The following TLCD3A variants were observed in gnomAD, a reference collection of about 807,000 sequenced individuals.
TLCD3A encodes the protein TLC domain-containing protein 3A.
A neutral mutation model predicts 29.9 loss-of-function variants in TLCD3A; 17 were observed. That is an observed-to-expected ratio of 0.57 (90% CI 0.39 to 0.85). The LOEUF (loss-of-function observed/expected upper bound fraction) is 0.85. TLCD3A is among the 40% of genes least tolerant of loss of function. The pLI, the probability that TLCD3A is intolerant of heterozygous loss-of-function variation, is 0.00. For synonymous variants in TLCD3A, 143 were observed against 147.7 expected, an observed-to-expected ratio of 0.97 and a Z score of 0.23; for missense variants, 332 against 350.8, an observed-to-expected ratio of 0.95 and a Z score of 0.43.
At chr17:740,042 G>A (rs758899766) in intron 3 of TLCD3A, among the ~76,000 whole-genome samples, 18 of 152,168 alleles carry the variant, frequency 1.2e-4, no homozygotes, top group East Asian at 7.7e-4. Flanking sequence ...ACAAAACTCC[G>A]TCTCAAAAAA....
chr17:733,040 C>CCGGGT (rs1555594796), intron 1 of TLCD3A, 58 bp from the exon 2 acceptor site: 2 of 1,526,900 alleles, frequency 1.3e-6, no homozygotes, highest in South Asian at 1.2e-5. Flanking sequence ...CCGGGCCGGG[C>CCGGGT]TCCCTGCGGT....
At chr17:734,494 G>T (rs1555595088) in intron 2 of TLCD3A, among the ~76,000 whole-genome samples, 1 of 141,308 alleles carries the variant, frequency 7.1e-6, no homozygotes. Context: ...GTTGTTGTTG[G>T]TAGAGACAGG....
rs1974273890 is a variant in TLCD3A, at chr17:742,531, T to G, written c.*961T>G. The G allele has an allele frequency of 6.6e-6, 1 of 152,224 alleles. No homozygotes were observed. The highest frequency in any genetic ancestry group is 6.5e-5 in the Admixed American group (1 of 15,276). 9.4% of individuals were successfully genotyped at this position (152,224 alleles called of 1,614,324 possible). A position where few individuals can be genotyped will look rare whatever the true frequency, so the allele number is the denominator to read the frequency against. On this transcript the variant is annotated 3_prime_UTR_variant, in exon 5 of 5. Coordinates refer to ENST00000308278, the MANE Select transcript of TLCD3A (RefSeq NM_024792.3). Reference sequence around the variant, plus strand: ...CTAGACTGCAGAGTACTTGAGTGCTTTGCCTCCCGATATGCCAGAGCTTGT... The same window carrying G: ...CTAGACTGCAGAGTACTTGAGTGCTGTGCCTCCCGATATGCCAGAGCTTGT...
chr17:733,198 G>C lies in TLCD3A; in HGVS notation c.206+17G>C. On this transcript the variant is annotated intron_variant, in intron 2 of 4. Transcript: ENST00000308278. ...CACCGGCAGGTAAGAGCCCGGGCCG[G>C]GGCCTTGTTGCAAATGTCACATTTC... The C allele has an allele frequency of 1.3e-6, 2 of 1,524,856 alleles. No homozygotes were observed. Among genetic ancestry groups the C allele is most frequent in the Non-Finnish European group, 1.8e-6 (2 of 1,134,822 alleles). The allele number at this position is 1,524,856 out of a possible 1,614,324, so 94.5% of individuals were successfully genotyped here.
intron 2 of TLCD3A, among the ~76,000 whole-genome samples, chr17:733,669 G>C (rs1002061117): frequency 4.6e-5 from 7 of 152,194 alleles, no homozygotes; most frequent in Non-Finnish European, 1.0e-4. Context: ...GGACTTGTAC[G>C]TCTATCAGAG....
rs1275194897 is a variant in TLCD3A, at chr17:740,202, TGA to T, written c.409-301_409-300del. On this transcript the variant is annotated intron_variant, in intron 3 of 4. Transcript: ENST00000308278. ...GCACATTTTGTTGAACCAAACAGGC[TGA>T]GTGTCTTGGCATGACTAAGTTCGAT... 4.6e-5 allele frequency among the ~76,000 whole-genome samples: 7 copies of T among 152,254 alleles called. No individual in the cohort carries two copies. The South Asian group carries it at 1.2e-3, about 27-fold the overall frequency.
Position 742,137 on chromosome 17 carries a change from G to A in TLCD3A, c.*567G>A, listed in dbSNP as rs1008194544. ...CCATGGGTCAGAGTTGAATTCTTAT[G>A]TCTATAGACTTCCAATCAGAAGTCT... On this transcript the variant is annotated 3_prime_UTR_variant, in exon 5 of 5. Coordinates refer to ENST00000308278, the MANE Select transcript of TLCD3A (RefSeq NM_024792.3). 2 of 154,818 alleles carry A rather than the reference G, an allele frequency of 1.3e-5. No homozygotes were observed. Among genetic ancestry groups the A allele is most frequent in the African/African-American group, 4.8e-5 (2 of 41,348 alleles). 9.6% of individuals were successfully genotyped at this position (154,818 alleles called of 1,614,324 possible). A position where few individuals can be genotyped will look rare whatever the true frequency, so the allele number is the denominator to read the frequency against.
intron 4 of TLCD3A, among the ~76,000 whole-genome samples, chr17:740,923 T>C (rs916833115): frequency 1.3e-5 from 2 of 152,186 alleles, no homozygotes; most frequent in Non-Finnish European, 2.9e-5. Flanking sequence ...GCTGGTCATC[T>C]CAGCCAGTGG....
chr17:737,560 A>T (rs1974175423), intron 2 of TLCD3A, among the ~76,000 whole-genome samples: 2 of 152,078 alleles, frequency 1.3e-5, no homozygotes, highest in African/African-American at 4.8e-5. Flanking sequence ...TTTTATCACA[A>T]AATGCCAGAA....
intron 3 of TLCD3A, among the ~76,000 whole-genome samples, chr17:739,870 AC>A (rs1346489540): frequency 2.6e-5 from 4 of 151,846 alleles, no homozygotes; most frequent in African/African-American, 9.7e-5. Context: ...ACATGGTGAA[AC>A]CCCATCTCTA....
At chr17:733,011 GGA>G (rs1491482406) in intron 1 of TLCD3A, 85 bp from the exon 2 acceptor site, 4 of 1,473,678 alleles carry the variant, frequency 2.7e-6, no homozygotes, top group Non-Finnish European at 2.8e-6. Context: ...CTGCGGCTGG[GGA>G]GAGTCAGGCC....
intron 1 of TLCD3A, 160 bp from the exon 2 acceptor site, chr17:732,938 G>C: frequency 7.2e-7 from 1 of 1,387,966 alleles, no homozygotes; most frequent in African/African-American, 1.5e-5. Flanking sequence ...TCCCCTGGCG[G>C]GAGCGGGGCC....
intron 3 of TLCD3A, among the ~76,000 whole-genome samples, chr17:739,883 TA>T (rs1255699492): frequency 2.6e-5 from 4 of 152,012 alleles, no homozygotes. Flanking sequence ...CCATCTCTAC[TA>T]AAAATACAAA....
At chr17:738,110 T>TTTTTTTTTTA in intron 3 of TLCD3A, 63 bp downstream of exon 3, 1 of 1,319,824 alleles carries the variant, frequency 7.6e-7, no homozygotes, top group Non-Finnish European at 1.0e-6. Context: ...TTTTTTTTTT[T>TTTTTTTTTTA]TTTCTGAGAC....
At chr17:740,822 AT>A (rs1974241917) in intron 4 of TLCD3A, among the ~76,000 whole-genome samples, 1 of 152,094 alleles carries the variant, frequency 6.6e-6, no homozygotes, top group South Asian at 2.1e-4. Context: ...GAGGGAGTGG[AT>A]TCTGCTTTTC....
chr17:737,813 G>A, intron 2 of TLCD3A, 33 bp from the exon 3 acceptor site: 1 of 1,599,356 alleles, frequency 6.3e-7, no homozygotes, highest in Non-Finnish European at 8.6e-7. Context: ...TATCCACAAT[G>A]ATTTCACGGG....
chr17:734,866 T>A (rs1258838892), intron 2 of TLCD3A, among the ~76,000 whole-genome samples: 3 of 151,726 alleles, frequency 2.0e-5, no homozygotes, highest in Admixed American at 2.0e-4. Context: ...CGTTGTTGTT[T>A]TAGACAGGGT....
At chr17:740,358 C>T (rs1186427323) in intron 3 of TLCD3A, 147 bp from the exon 4 acceptor site, 6 of 663,810 alleles carry the variant, frequency 9.0e-6, no homozygotes, top group South Asian at 3.3e-5. Context: ...GCTGTTGCCA[C>T]GGAAGCAGCG....
At position 740,450 on chromosome 17, in the gene TLCD3A, T is replaced by C. The variant is rs9896570; in HGVS notation, c.409-55T>C. On this transcript the variant is annotated intron_variant, in intron 3 of 4. Transcript: ENST00000308278. The stretch of plus-strand genomic sequence containing the variant: ...TCAGTAGCCCTCGTTGGAATTTTCC[T>C]TCTGGTGGTTTCTTAACCTCCACTT... 7,330 of 1,357,830 alleles carry C rather than the reference T, an allele frequency of 5.4e-3. 327 individuals carry two copies. The African/African-American group carries it at 0.091, about 17-fold the overall frequency. 84.1% of individuals were successfully genotyped at this position (1,357,830 alleles called of 1,614,324 possible). A position where few individuals can be genotyped will look rare whatever the true frequency, so the allele number is the denominator to read the frequency against.
Sources: allele counts gnomAD v4.1 joint callset (sites outside exome capture counted in the v4.1 genomes callset), GRCh38; gene constraint gnomAD v4.1.1; transcripts MANE v1.5; gene names NCBI Gene and HGNC (gene_info 2026-07-23, HGNC 2026-07-21).